TMEM38B: variants seen among roughly 807,000 people sequenced by gnomAD.
The protein encoded by TMEM38B is transmembrane protein 38B, also known as trimeric intracellular cation channel type B.
A neutral mutation model predicts 28.7 loss-of-function variants in TMEM38B; 24 were observed. The ratio of observed to expected loss-of-function variants is 0.84; its 90% CI spans 0.61 to 1.18. The LOEUF is 1.18. Ranked by LOEUF, TMEM38B falls within the 50% of genes most tolerant of loss-of-function variation. The probability of loss-of-function intolerance (pLI) is 0.00; values close to 1 mark genes in which losing one functional copy is unlikely to be tolerated. For missense variants in TMEM38B, 380 were observed against 350.9 expected (o/e 1.08, Z -0.66); for synonymous variants, 131 against 127.7 (o/e 1.03, Z -0.17).
intron 5 of TMEM38B, chr9:105,759,559 A>G: frequency 6.4e-7 from 1 of 1,558,802 alleles, no homozygotes; most frequent in African/African-American, 1.4e-5. Context: ...GTCCTCTAAT[A>G]GCAAACCAAG....
chr9:105,706,033 T>TCC (rs1835650152), intron 2 of TMEM38B, among the ~76,000 whole-genome samples: 1 of 151,864 alleles, frequency 6.6e-6, no homozygotes, highest in South Asian at 2.1e-4. Context: ...CTGGAGTAGC[T>TCC]GGAATTACAG....
At chr9:105,705,364 G>C (rs1006623942) in intron 1 of TMEM38B, among the ~76,000 whole-genome samples, 1 of 152,170 alleles carries the variant, frequency 6.6e-6, no homozygotes, top group African/African-American at 2.4e-5. Context: ...AAACAGAACA[G>C]AGTATTTTAA....
At chr9:105,734,931 T>G (rs1209155179) in intron 4 of TMEM38B, among the ~76,000 whole-genome samples, 1 of 151,992 alleles carries the variant, frequency 6.6e-6, no homozygotes, top group Admixed American at 6.6e-5. Context: ...CCATTTACAT[T>G]CATCCTAGAA....
intron 1 of TMEM38B, among the ~76,000 whole-genome samples, chr9:105,698,548 T>A (rs1483582124): frequency 1.3e-5 from 2 of 152,144 alleles, no homozygotes; most frequent in Non-Finnish European, 2.9e-5. Flanking sequence ...TTACGTTTTT[T>A]AAAAAATGAT....
chr9:105,747,368 G>A (rs1184425170), intron 4 of TMEM38B, among the ~76,000 whole-genome samples: 1 of 152,162 alleles, frequency 6.6e-6, no homozygotes. Context: ...TTGTGTAGAG[G>A]TGTTTATAGT....
rs1170523107 is a variant in TMEM38B, at chr9:105,703,975, C to T, written c.113-1622C>T. Among the ~76,000 whole-genome samples, 4 of 151,208 alleles carry T rather than the reference C, an allele frequency of 2.6e-5. No homozygotes were observed. In the South Asian group the frequency reaches 6.3e-4, roughly 24 times the overall value. Reference sequence around the variant, plus strand: ...GAAATCATCATTCTCAGTAAACTATCGCAAGAACAAAAAACCAAACACCGC... The same window carrying T: ...GAAATCATCATTCTCAGTAAACTATTGCAAGAACAAAAAACCAAACACCGC... On this transcript the variant is annotated intron_variant, in intron 1 of 5. Coordinates refer to ENST00000374692, the MANE Select transcript of TMEM38B (RefSeq NM_018112.3).
At chr9:105,771,452 A>G (rs1826540089) in intron 5 of TMEM38B, among the ~76,000 whole-genome samples, 1 of 152,148 alleles carries the variant, frequency 6.6e-6, no homozygotes, top group Non-Finnish European at 1.5e-5. Context: ...AGTTTGAAAA[A>G]TACTTATTAT....
chr9:105,749,097 G>A, intron 5 of TMEM38B: 1 of 1,303,748 alleles, frequency 7.7e-7, no homozygotes, highest in Non-Finnish European at 1.0e-6. Flanking sequence ...GAGATGATCT[G>A]TGGCTGTAAT....
chr9:105,753,219 T>C (rs7022124), intron 5 of TMEM38B, among the ~76,000 whole-genome samples: 31,987 of 152,046 alleles, frequency 0.21, 5,221 homozygotes, highest in East Asian at 0.46. Context: ...ACGAGGAGAA[T>C]GGAACCAAGT....
At chr9:105,703,614 A>G (rs980262431) in intron 1 of TMEM38B, among the ~76,000 whole-genome samples, 2 of 152,146 alleles carry the variant, frequency 1.3e-5, no homozygotes, top group Non-Finnish European at 2.9e-5. Flanking sequence ...ATCCCTGAGT[A>G]ATCGCCACAC....
chr9:105,746,925 C>T (rs1322723965), intron 4 of TMEM38B, among the ~76,000 whole-genome samples: 1 of 152,116 alleles, frequency 6.6e-6, no homozygotes, highest in Non-Finnish European at 1.5e-5. Flanking sequence ...AGGGACGAAG[C>T]CCACTTGATC....
At chr9:105,772,276 T>G (rs1463661888) in intron 5 of TMEM38B, among the ~76,000 whole-genome samples, 5 of 152,302 alleles carry the variant, frequency 3.3e-5, no homozygotes, top group African/African-American at 1.2e-4. Context: ...CAGGGCAAAT[T>G]GCACGAGGAT....
intron 5 of TMEM38B, among the ~76,000 whole-genome samples, chr9:105,771,592 GT>G (rs1826544758): frequency 6.6e-6 from 1 of 152,112 alleles, no homozygotes; most frequent in Non-Finnish European, 1.5e-5. Context: ...TTTATTTGCA[GT>G]TCCTTAAGTC....
chr9:105,699,701 C>A (rs1006943903), intron 1 of TMEM38B, among the ~76,000 whole-genome samples: 2 of 150,150 alleles, frequency 1.3e-5, no homozygotes, highest in Non-Finnish European at 2.9e-5. Context: ...ACATAAAAGA[C>A]ATCAGGTAAT....
chr9:105,743,357 T>C (rs768146002), intron 4 of TMEM38B, among the ~76,000 whole-genome samples: 4 of 152,200 alleles, frequency 2.6e-5, no homozygotes, highest in African/African-American at 7.2e-5. Context: ...TTGAACTCAG[T>C]CCTTAGCTTG....
intron 1 of TMEM38B, among the ~76,000 whole-genome samples, chr9:105,700,604 T>G (rs987862307): frequency 6.6e-6 from 1 of 152,196 alleles, no homozygotes; most frequent in Non-Finnish European, 1.5e-5. Context: ...CTCAATAAGG[T>G]GTCACTTGAC....
intron 4 of TMEM38B, among the ~76,000 whole-genome samples, chr9:105,738,843 G>C (rs919459664): frequency 6.7e-6 from 1 of 149,430 alleles, no homozygotes; most frequent in African/African-American, 2.5e-5. Flanking sequence ...TCAGCCTCCT[G>C]AGTAGCTGGG....
At chr9:105,703,051 A>G (rs1340518332) in intron 1 of TMEM38B, among the ~76,000 whole-genome samples, 1 of 152,250 alleles carries the variant, frequency 6.6e-6, no homozygotes, top group Non-Finnish European at 1.5e-5. Context: ...ATTTGGAATT[A>G]GATTTAGGTC....
chr9:105,705,387 G>A (rs1023092509), intron 1 of TMEM38B, among the ~76,000 whole-genome samples: 5 of 152,154 alleles, frequency 3.3e-5, no homozygotes, highest in African/African-American at 1.2e-4. Flanking sequence ...GTGCCAAAGT[G>A]CCAAAAATCA....
Sources: gnomAD v4.1 joint callset for allele counts (sites outside exome capture counted in the v4.1 genomes callset) on GRCh38, gnomAD v4.1.1 for gene constraint, MANE v1.5 for transcripts, NCBI Gene and HGNC (gene_info 2026-07-23, HGNC 2026-07-21) for gene names.